The following SPAG1 variants were observed in gnomAD, a reference collection of about 807,000 sequenced individuals.
SPAG1 encodes sperm-associated antigen 1.
SPAG1 carries 69 observed loss-of-function variants against 100.5 expected under a neutral mutation model. That is an observed-to-expected ratio of 0.69 (90% CI 0.57 to 0.84). The LOEUF (loss-of-function observed/expected upper bound fraction) is 0.84, where lower values mean the gene tolerates loss of function less well. Among genes scored for constraint, SPAG1 ranks in the 40% least tolerant of loss-of-function variants. SPAG1 has a pLI of 0.00. For synonymous variants in SPAG1, 336 were observed against 411.6 expected (o/e 0.82, Z 2.22); for missense variants, 955 against 1,133.1 (o/e 0.84, Z 2.26).
chr8:100,212,938 C>G (rs1161463407), intron 10 of SPAG1, 152 bp from the exon 11 acceptor site: 1 of 559,364 alleles, frequency 1.8e-6, no homozygotes, highest in Non-Finnish European at 2.8e-6. Context: ...TCTAGAGGTC[C>G]GGCAGCACAG....
intron 13 of SPAG1, among the ~76,000 whole-genome samples, chr8:100,220,930 A>C (rs1818245664): frequency 6.6e-6 from 1 of 151,962 alleles, no homozygotes; most frequent in South Asian, 2.1e-4. Context: ...AAAATTAGCC[A>C]GGTGTGGTGG....
Position 100,187,118 on chromosome 8 carries a change from A to C in SPAG1, c.702-2A>C, listed in dbSNP as rs768028819. On this transcript the variant is annotated splice_acceptor_variant, in intron 7 of 18. Transcript: ENST00000388798. LOFTEE classifies it high-confidence loss of function. ...TGTTGCCAGTAACTGTTTCTTTTCT[A>C]GGAGCATATCAGCGCTTCCCACTGT... The C allele has an allele frequency of 6.3e-7, 1 of 1,599,676 alleles. No individual in the cohort carries two copies. Among genetic ancestry groups the C allele is most frequent in the Non-Finnish European group, 8.5e-7 (1 of 1,174,712 alleles).
Position 100,194,252 on chromosome 8 carries a change from T to C in SPAG1, c.1080T>C (p.Asp360=). The change falls in exon 10 of 19, where the codon GAT becomes GAC. Residue 360 remains aspartate (D), a synonymous_variant. Transcript: ENST00000388798. The part of the protein sequence containing the change: ...EEGKSGRKHE[D]GGGDKKPAEP... ...GAAAAAGCGGAAGAAAACATGAAGA[T>C]GGCGGTGGAGATAAGAGTAAAATAT... 6.2e-7 allele frequency: 1 copy of C among 1,608,308 alleles called. No homozygotes were observed. Among genetic ancestry groups the C allele is most frequent in the Non-Finnish European group, 8.5e-7 (1 of 1,175,036 alleles).
intron 13 of SPAG1, among the ~76,000 whole-genome samples, chr8:100,224,669 C>T (rs547613470): frequency 2.0e-5 from 3 of 152,284 alleles, no homozygotes; most frequent in South Asian, 4.2e-4. Flanking sequence ...CACATGACAG[C>T]GAGCCCTTAC....
In SPAG1 at chr8:100,231,253, G is replaced by T; in HGVS notation, c.1953G>T (p.Lys651Asn). ...TCAGTAAATACAGCGAATGCTTAAA[G>T]ATTAACAATAAGGAATGTGCCATAT... Reference protein sequence around the residue: ...DALSKYSECLKINNKECAIYT... With the variant: ...DALSKYSECLNINNKECAIYT... Residue 651 changes from lysine to asparagine, a missense_variant, in exon 15 of 19, where the codon AAG becomes AAT. Lys to Asn is a moderately conservative substitution (Grantham distance 94). Coordinates refer to ENST00000388798, the MANE Select transcript of SPAG1 (RefSeq NM_003114.5). The T allele has an allele frequency of 6.2e-7, 1 of 1,600,442 alleles. No individual in the cohort carries two copies. Among genetic ancestry groups the T allele is most frequent in the Middle Eastern group, 1.7e-4 (1 of 5,966 alleles).
chr8:100,234,996 T>C (rs1365202798), intron 16 of SPAG1, among the ~76,000 whole-genome samples: 5 of 152,172 alleles, frequency 3.3e-5, no homozygotes, highest in Non-Finnish European at 5.9e-5. Context: ...AGGAAAGTAA[T>C]GTCCAAGGAA....
intron 12 of SPAG1, among the ~76,000 whole-genome samples, chr8:100,216,418 T>C (rs1339795851): frequency 1.3e-5 from 2 of 152,166 alleles, no homozygotes; most frequent in East Asian, 3.9e-4. Context: ...TGATTAACAT[T>C]TACTGGCTAA....
rs71274967 is a variant in SPAG1, at chr8:100,214,988, CATATATATATATATATATATATATATAT to C, written c.1535+1105_1535+1132del. ...GACAAGAGACTCTGTAAACTTTACTCATATATATATATATATATATATATATATATATATATATATATATATATATATA... is the reference window on the plus strand; with the variant it reads ...GACAAGAGACTCTGTAAACTTTACTCATATATATATATATATATATATATA... On this transcript the variant is annotated intron_variant, in intron 12 of 18. Transcript: ENST00000388798. Among the ~76,000 whole-genome samples, 480 of 68,854 alleles carry C rather than the reference CATATATATATATATATATATATATATAT, an allele frequency of 7.0e-3. 5 individuals carry two copies. Among genetic ancestry groups the C allele is most frequent in the Non-Finnish European group, 9.7e-3 (341 of 35,130 alleles). 45.2% of individuals were successfully genotyped at this position (68,854 alleles called of 152,430 possible). A position where few individuals can be genotyped will look rare whatever the true frequency, so the allele number is the denominator to read the frequency against.
chr8:100,193,739 G>T (rs1484165202), intron 9 of SPAG1, among the ~76,000 whole-genome samples: 1 of 149,682 alleles, frequency 6.7e-6, no homozygotes, highest in African/African-American at 2.4e-5. Flanking sequence ...AACATAGTGA[G>T]ACCTCATCTC....
At chr8:100,224,632 G>GT (rs1818426910) in intron 13 of SPAG1, among the ~76,000 whole-genome samples, 1 of 152,188 alleles carries the variant, frequency 6.6e-6, no homozygotes, top group African/African-American at 2.4e-5. Context: ...TTAAACACAT[G>GT]TAAGTGTTTT....
chr8:100,240,822 G>A (rs1819230635), intron 18 of SPAG1, 51 bp downstream of exon 18: 6 of 1,555,526 alleles, frequency 3.9e-6, no homozygotes, highest in Non-Finnish European at 5.2e-6. Context: ...TAGGGTTTCT[G>A]TAACTTAAAA....
intron 10 of SPAG1, among the ~76,000 whole-genome samples, chr8:100,196,715 T>A (rs1446209770): frequency 6.6e-6 from 1 of 152,150 alleles, no homozygotes; most frequent in Non-Finnish European, 1.5e-5. Context: ...GTTTTTTTAA[T>A]GGACTGTGCT....
At chr8:100,217,007 G>A (rs999466944) in intron 12 of SPAG1, among the ~76,000 whole-genome samples, 1 of 138,008 alleles carries the variant, frequency 7.2e-6, no homozygotes, top group Non-Finnish European at 1.5e-5. Context: ...CGCAATCTCA[G>A]CTCATTGCAA....
intron 2 of SPAG1, 45 bp from the exon 3 acceptor site, chr8:100,165,769 C>T: frequency 6.5e-7 from 1 of 1,541,108 alleles, no homozygotes; most frequent in Non-Finnish European, 8.9e-7. Context: ...TCTAGATGAT[C>T]CTAAATAAGG....
chr8:100,236,731 T>G (rs948575857), intron 16 of SPAG1, among the ~76,000 whole-genome samples: 1 of 152,192 alleles, frequency 6.6e-6, no homozygotes, highest in African/African-American at 2.4e-5. Flanking sequence ...TATTTACAAT[T>G]TATTTCTCTT....
intron 14 of SPAG1, among the ~76,000 whole-genome samples, chr8:100,228,710 C>A (rs964896677): frequency 2.0e-5 from 3 of 151,518 alleles, no homozygotes; most frequent in Admixed American, 6.6e-5. Context: ...CAGACCCCAT[C>A]TCAAAAAAGA....
Position 100,184,015 on chromosome 8 carries a change from T to C in SPAG1, c.548T>C (p.Ile183Thr), listed in dbSNP as rs754428256. The C allele has an allele frequency of 3.9e-6, 6 of 1,548,022 alleles. No homozygotes were observed. Among genetic ancestry groups the C allele is most frequent in the East Asian group, 4.8e-5 (2 of 42,006 alleles). ...GAAGATTACAAAGAAAAGACGGTAA[T>C]AGACAAGTCACACTTGTCTAAAATT... ...IDEDYKEKTV[I>T]DKSHLSKIET... is the part of the protein sequence containing the mutation. The change falls in exon 6 of 19, where the codon ATA becomes ACA. Residue 183 changes from isoleucine to threonine, a missense_variant. By Grantham distance (89) the Ile-to-Thr change is moderately conservative (BLOSUM62 -1). Coordinates refer to ENST00000388798, the MANE Select transcript of SPAG1 (RefSeq NM_003114.5).
In SPAG1 at chr8:100,191,486, A is replaced by G. The variant is rs1816815039; in HGVS notation, c.929A>G (p.Asp310Gly). Residue 310 changes from aspartate to glycine, a missense_variant, in exon 9 of 19, where the codon GAT becomes GGT. By Grantham distance (94) the Asp-to-Gly change is moderately conservative. Transcript: ENST00000388798. ...SKVLDVEPDN[D>G]LAKKTLSEVE... ...GTACTAGATGTTGAGCCTGATAATG[A>G]TTTGGCCAAGGTAAGTATAGAATGT... The G allele has an allele frequency of 6.2e-7, 1 of 1,608,858 alleles. No individual in the cohort carries two copies.
chr8:100,206,657 C>T (rs1324729996), intron 10 of SPAG1, among the ~76,000 whole-genome samples: 1 of 151,980 alleles, frequency 6.6e-6, no homozygotes, highest in African/African-American at 2.4e-5. Context: ...GCAAGATATT[C>T]CTTCTAAGGT....
Sources: gnomAD v4.1 joint callset for allele counts (sites outside exome capture counted in the v4.1 genomes callset) on GRCh38, gnomAD v4.1.1 for gene constraint, MANE v1.5 for transcripts, NCBI Gene and HGNC (gene_info 2026-07-23, HGNC 2026-07-21) for gene names.